Variants in AFF3 observed in about 807,000 individuals in gnomAD.
The protein encoded by AFF3 is ALF transcription elongation factor 3, also known as AF4/FMR2 family member 3.
AFF3 carries 32 observed loss-of-function variants against 129.7 expected under a neutral mutation model. That is an observed-to-expected ratio of 0.25 (90% CI 0.19 to 0.33). The LOEUF (loss-of-function observed/expected upper bound fraction) is 0.33, where lower values mean the gene tolerates loss of function less well. AFF3 is among the 10% of genes least tolerant of loss of function. The probability of loss-of-function intolerance (pLI) is 1.00; values close to 1 mark genes in which losing one functional copy is unlikely to be tolerated. For synonymous variants in AFF3, 644 were observed against 635.4 expected, an observed-to-expected ratio of 1.01 and a Z score of -0.20; for missense variants, 1,373 against 1,592.0, an observed-to-expected ratio of 0.86 and a Z score of 2.34.
intron 8 of AFF3, among the ~76,000 whole-genome samples, chr2:99,814,231 AACC>A (rs60855066): frequency 5.9e-4 from 89 of 151,048 alleles, no homozygotes; most frequent in Non-Finnish European, 1.1e-3. Flanking sequence ...TAATCACACA[AACC>A]ACCACCACCA....
At chr2:99,884,624 A>G (rs1450170415) in intron 7 of AFF3, among the ~76,000 whole-genome samples, 2 of 152,070 alleles carry the variant, frequency 1.3e-5, no homozygotes, top group Non-Finnish European at 2.9e-5. Context: ...GGCTAGTCTC[A>G]AACTCCTGGC....
intron 13 of AFF3, among the ~76,000 whole-genome samples, chr2:99,648,881 G>GCACACA (rs367768868): frequency 0.042 from 2,715 of 64,374 alleles, 212 homozygotes; most frequent in Middle Eastern, 0.088. Flanking sequence ...CTCAAAACAC[G>GCACACA]CGCGCACACA....
chr2:99,938,607 C>T (rs1308415838), intron 7 of AFF3, among the ~76,000 whole-genome samples: 1 of 152,140 alleles, frequency 6.6e-6, no homozygotes, highest in African/African-American at 2.4e-5. Context: ...GCAGATTACT[C>T]TGTGTAATGT....
chr2:99,574,059 CCT>C (rs768866536), intron 18 of AFF3, among the ~76,000 whole-genome samples: 1 of 152,176 alleles, frequency 6.6e-6, no homozygotes, highest in Non-Finnish European at 1.5e-5. Flanking sequence ...CAAGAATTCC[CCT>C]GTCACTAATT....
intron 4 of AFF3, among the ~76,000 whole-genome samples, chr2:100,040,471 G>A (rs1685329990): frequency 6.6e-6 from 1 of 152,156 alleles, no homozygotes; most frequent in Non-Finnish European, 1.5e-5. Flanking sequence ...TCAGTTAAGA[G>A]GCAGAGGGAA....
chr2:100,012,478 C>A (rs2104782753), intron 4 of AFF3, among the ~76,000 whole-genome samples: 1 of 152,298 alleles, frequency 6.6e-6, no homozygotes, highest in South Asian at 2.1e-4. Flanking sequence ...GGCTTCCCAC[C>A]CCCTGTATCT....
At chr2:99,611,900 T>A (rs35694207) in intron 13 of AFF3, among the ~76,000 whole-genome samples, 81,321 of 150,112 alleles carry the variant, frequency 0.54, 22,132 homozygotes, top group African/African-American at 0.62. Flanking sequence ...AAAAAAAAAA[T>A]TTATTCTTGC....
intron 2 of AFF3, chr2:100,107,335 C>G: frequency 1.0e-6 from 1 of 985,304 alleles, no homozygotes. Flanking sequence ...CCTCCAGCCT[C>G]TGGGTATGCA....
intron 13 of AFF3, among the ~76,000 whole-genome samples, chr2:99,648,035 T>A (rs1199796445): frequency 6.6e-6 from 1 of 152,234 alleles, no homozygotes; most frequent in East Asian, 1.9e-4. Flanking sequence ...GTCTTTGTAT[T>A]TGTGACCATG....
chr2:100,107,058 T>C (rs1225206211), intron 2 of AFF3: 1 of 985,332 alleles, frequency 1.0e-6, no homozygotes, highest in Admixed American at 6.1e-5. Flanking sequence ...AATGTTTCTT[T>C]AGGAATAGCC....
At chr2:99,719,779 G>A (rs904248382) in intron 11 of AFF3, among the ~76,000 whole-genome samples, 1 of 152,132 alleles carries the variant, frequency 6.6e-6, no homozygotes, top group Non-Finnish European at 1.5e-5. Flanking sequence ...GGCCGGGCAC[G>A]GTGGCTCACG....
intron 7 of AFF3, among the ~76,000 whole-genome samples, chr2:99,928,849 G>C (rs532029585): frequency 5.9e-5 from 9 of 152,084 alleles, no homozygotes; most frequent in Non-Finnish European, 1.3e-4. Flanking sequence ...AATTAGTCCA[G>C]GGTGAGCTCA....
intron 2 of AFF3, among the ~76,000 whole-genome samples, chr2:100,123,188 G>T (rs1186908771): frequency 6.6e-6 from 1 of 152,158 alleles, no homozygotes; most frequent in Admixed American, 6.5e-5. Flanking sequence ...GCCAACCCAG[G>T]GATAAATTAT....
Position 99,586,251 on chromosome 2 carries a change from G to A in AFF3, c.2591+903C>T, listed in dbSNP as rs972617951. On this transcript the variant is annotated intron_variant, in intron 16 of 24. Transcript: ENST00000672756. Reference sequence around the variant, plus strand: ...TGGCATCCACCCTGCAAAGAGGACCGAGGAGTGGGCAGCATGCAGGGGCAG... The same window carrying A: ...TGGCATCCACCCTGCAAAGAGGACCAAGGAGTGGGCAGCATGCAGGGGCAG... 1.2e-4 allele frequency among the ~76,000 whole-genome samples: 18 copies of A among 152,142 alleles called. 1 individual carries two copies. The highest frequency in any genetic ancestry group is 4.1e-4 in the African/African-American group (17 of 41,424).
chr2:99,816,786 T>G (rs138037516), intron 8 of AFF3, among the ~76,000 whole-genome samples: 1 of 152,086 alleles, frequency 6.6e-6, no homozygotes, highest in Non-Finnish European at 1.5e-5. Context: ...CTGAGCTTTC[T>G]CCAGATATAC....
At chr2:99,859,345 C>T (rs1268956819) in intron 7 of AFF3, among the ~76,000 whole-genome samples, 3 of 152,160 alleles carry the variant, frequency 2.0e-5, no homozygotes, top group African/African-American at 4.8e-5. Flanking sequence ...TGGGAACCAC[C>T]GGCGGCACAA....
intron 13 of AFF3, among the ~76,000 whole-genome samples, chr2:99,607,795 C>T (rs1680523127): frequency 6.6e-6 from 1 of 152,248 alleles, no homozygotes; most frequent in Non-Finnish European, 1.5e-5. Context: ...CTCTTCAACA[C>T]TCTTTGAGAA....
At chr2:99,748,639 G>A (rs1681368198) in intron 9 of AFF3, among the ~76,000 whole-genome samples, 3 of 151,990 alleles carry the variant, frequency 2.0e-5, no homozygotes, top group Admixed American at 2.0e-4. Context: ...TAAACTCAAG[G>A]GTTACCCTGT....
chr2:99,653,360 C>T (rs1685451474), intron 12 of AFF3, among the ~76,000 whole-genome samples: 1 of 152,136 alleles, frequency 6.6e-6, no homozygotes, highest in South Asian at 2.1e-4. Flanking sequence ...TTCAACATGG[C>T]ATCTGAATTT....
Sources: allele counts gnomAD v4.1 joint callset (sites outside exome capture counted in the v4.1 genomes callset), GRCh38; gene constraint gnomAD v4.1.1; transcripts MANE v1.5; gene names NCBI Gene and HGNC (gene_info 2026-07-23, HGNC 2026-07-21).